The following ZNF234 variants were observed in gnomAD, a reference collection of about 807,000 sequenced individuals.
The protein encoded by ZNF234 is C2-H2 type zinc finger protein.
ZNF234 carries 4 observed loss-of-function variants against 10.3 expected under a neutral mutation model. The ratio of observed to expected loss-of-function variants is 0.39; its 90% confidence interval spans 0.19 to 0.89. The LOEUF (loss-of-function observed/expected upper bound fraction) is 0.89. Among genes scored for constraint, ZNF234 ranks in the 40% least tolerant of loss-of-function variants. ZNF234 has a pLI of 0.38. For missense variants in ZNF234, 711 were observed against 836.1 expected (o/e 0.85, Z 1.85); for synonymous variants, 258 against 280.1 (o/e 0.92, Z 0.79).
In ZNF234 at chr19:44,143,616, G is replaced by GAA. The variant is rs61062157; in HGVS notation, c.-76-926_-76-925dup. On this transcript the variant is annotated intron_variant, in intron 2 of 5. Coordinates refer to ENST00000426739, the MANE Select transcript of ZNF234 (RefSeq NM_006630.3). Reference sequence around the variant, plus strand: ...AGCGCAAGACTCTGTCTCAGAAAAAGAAAAAAAAAAAAAAAAGAAAACCCG... The same window carrying GAA: ...AGCGCAAGACTCTGTCTCAGAAAAAGAAAAAAAAAAAAAAAAAAGAAAACCCG... Among the ~76,000 whole-genome samples, 810 of 111,902 alleles carry GAA rather than the reference G, an allele frequency of 7.2e-3. 5 individuals are homozygous for GAA. Among genetic ancestry groups the GAA allele is most frequent in the Middle Eastern group, 0.019 (4 of 206 alleles). 73.4% of individuals were successfully genotyped at this position (111,902 alleles called of 152,430 possible). A position where few individuals can be genotyped will look rare whatever the true frequency, so the allele number is the denominator to read the frequency against.
intron 4 of ZNF234, 59 bp from the exon 5 acceptor site, chr19:44,150,354 G>GT: frequency 7.2e-7 from 1 of 1,384,830 alleles, no homozygotes. Context: ...CAAATTGCCA[G>GT]TAAGTTCAGT....
At chr19:44,148,969 C>G in intron 4 of ZNF234, 72 bp downstream of exon 4, 1 of 1,514,808 alleles carries the variant, frequency 6.6e-7, no homozygotes, top group Non-Finnish European at 8.9e-7. Flanking sequence ...GGGTTCAACA[C>G]TTTGGAGGTC....
At chr19:44,154,310 C>CTT (rs58652062) in intron 5 of ZNF234, among the ~76,000 whole-genome samples, 2 of 148,802 alleles carry the variant, frequency 1.3e-5, no homozygotes, top group Admixed American at 6.7e-5. Context: ...TTCTTTTTCA[C>CTT]TTTTTTTTTT....
rs73564059 is a variant in ZNF234, at chr19:44,158,290, G to A, written c.*171G>A. On this transcript the variant is annotated 3_prime_UTR_variant, in exon 6 of 6. Transcript: ENST00000426739. The stretch of plus-strand genomic sequence containing the variant: ...ATTTTTTGTTTTGAAACAGAATCTC[G>A]CTCTGTTGCCCATGCTGGATGCAGT... 0.058 allele frequency: 43,584 copies of A among 746,334 alleles called. 6,350 individuals are homozygous for A. The highest frequency in any genetic ancestry group is 0.41 in the African/African-American group (23,359 of 57,122). The allele number at this position is 746,334 out of a possible 1,614,324, so 46.2% of individuals were successfully genotyped here. A position where few individuals can be genotyped will look rare whatever the true frequency, so the allele number is the denominator to read the frequency against.
chr19:44,156,898 T>C lies in ZNF234; in HGVS notation c.882T>C (p.Gly294=). ...AACCATTCAAATGTGATACATGTGG[T>C]AAGAACTTCCGTCGTAGATCAGCAC... The part of the protein sequence containing the change: ...GEKPFKCDTC[G]KNFRRRSALN... Residue 294 remains glycine, a synonymous_variant, in exon 6 of 6, where the codon GGT becomes GGC. Transcript: ENST00000426739. 6.2e-7 allele frequency: 1 copy of C among 1,613,804 alleles called. No individual in the cohort carries two copies.
chr19:44,156,740 A>C lies in ZNF234; in HGVS notation c.724A>C (p.Ser242Arg). ...ATGTGTGGAATGTGGGAAAGGCTTC[A>C]GTCGTAGATCAACACTTACTGTACA... ...FKCVECGKGF[S>R]RRSTLTVHCK... The change falls in exon 6 of 6, where the codon AGT becomes CGT. Residue 242 changes from serine to arginine, a missense_variant. Coordinates refer to ENST00000426739, the MANE Select transcript of ZNF234 (RefSeq NM_006630.3). 6.2e-7 allele frequency: 1 copy of C among 1,614,082 alleles called. No individual in the cohort carries two copies. The highest frequency in any genetic ancestry group is 8.5e-7 in the Non-Finnish European group (1 of 1,179,978).
intron 5 of ZNF234, among the ~76,000 whole-genome samples, chr19:44,151,933 C>T (rs1968753757): frequency 6.6e-6 from 1 of 152,116 alleles, no homozygotes; most frequent in African/African-American, 2.4e-5. Context: ...TTTGTCATAA[C>T]CTGACATATT....
At chr19:44,154,806 AAAAGTTTTTTT>A (rs1445561749) in intron 5 of ZNF234, among the ~76,000 whole-genome samples, 4 of 151,810 alleles carry the variant, frequency 2.6e-5, no homozygotes, top group African/African-American at 9.7e-5. Flanking sequence ...CAATTTTTTT[AAAAGTTTTTTT>A]GTAGGGCCAG....
At chr19:44,146,494 A>G (rs550142304) in intron 3 of ZNF234, among the ~76,000 whole-genome samples, 1 of 152,252 alleles carries the variant, frequency 6.6e-6, no homozygotes, top group African/African-American at 2.4e-5. Context: ...TCATTACAAC[A>G]CAAGAACATC....
chr19:44,157,110 T>C lies in ZNF234; in HGVS notation c.1094T>C (p.Ile365Thr), dbSNP rs764844698. Residue 365 changes from isoleucine to threonine, a missense_variant, in exon 6 of 6, where the codon ATC (isoleucine) becomes ACC (threonine). Ile to Thr is a moderately conservative substitution (Grantham distance 89). Transcript: ENST00000426739. ...TCACAATTTCAGGCCCATCGGAGAATCCACACTGGAGAGAAACCATACGTA... is the reference window on the plus strand; with the variant it reads ...TCACAATTTCAGGCCCATCGGAGAACCCACACTGGAGAGAAACCATACGTA... ...QPSQFQAHRR[I>T]HTGEKPYVCK... 210 of 1,614,060 alleles carry C rather than the reference T, an allele frequency of 1.3e-4. 2 individuals carry two copies. In the Middle Eastern group the frequency reaches 1.3e-3, roughly 10 times the overall value.
At position 44,157,192 on chromosome 19, in the gene ZNF234, A is replaced by G; in HGVS notation, c.1176A>G (p.Gly392=). ...GTTCAAGTTTTCAGGCCCATCAGGG[A>G]GTCCACACTGGAGAGAAGCCATACA... ...IYSSSFQAHQ[G]VHTGEKPYKC... Residue 392 remains glycine (G), a synonymous_variant, in exon 6 of 6, where the codon GGA becomes GGG. Transcript: ENST00000426739. The G allele has an allele frequency of 6.2e-7, 1 of 1,614,224 alleles. No homozygotes were observed. The highest frequency in any genetic ancestry group is 1.7e-5 in the Admixed American group (1 of 60,012).
intron 5 of ZNF234, among the ~76,000 whole-genome samples, chr19:44,152,010 G>T (rs1463354748): frequency 6.6e-6 from 1 of 152,120 alleles, no homozygotes; most frequent in Admixed American, 6.5e-5. Flanking sequence ...AGATACTTCT[G>T]CCTCAAAGCC....
At position 44,144,580 on chromosome 19, in the gene ZNF234, C is replaced by G; in HGVS notation, c.-53C>G. 6.8e-7 allele frequency: 1 copy of G among 1,476,956 alleles called. No individual in the cohort carries two copies. Among genetic ancestry groups the G allele is most frequent in the Non-Finnish European group, 9.0e-7 (1 of 1,105,694 alleles). The allele number at this position is 1,476,956 out of a possible 1,614,324, so 91.5% of individuals were successfully genotyped here. On this transcript the variant is annotated 5_prime_UTR_variant, in exon 3 of 6. Transcript: ENST00000426739. ...AGTGTTCCAGGCACGATTCTGCCTT[C>G]TCTCAAATGGCATAACTCAGGACTC...
Position 44,158,022 on chromosome 19 carries a change from G to A in ZNF234, c.2006G>A (p.Ser669Asn). Residue 669 changes from serine to asparagine, a missense_variant, in exon 6 of 6, where the codon AGT becomes AAT. Transcript: ENST00000426739. ...TTCAGCTGGCGATCAAATCTTGTAA[G>A]TCATCACAAAATTCATGCTGCTGGT... ...KRFSWRSNLV[S>N]HHKIHAAGTF... 5 of 1,613,666 alleles carry A rather than the reference G, an allele frequency of 3.1e-6. No homozygotes were observed. The highest frequency in any genetic ancestry group is 4.2e-6 in the Non-Finnish European group (5 of 1,179,842).
In ZNF234 at chr19:44,142,366, A is replaced by C. The variant is rs1209491064; in HGVS notation, c.-78A>C. On this transcript the variant is annotated splice_region_variant and 5_prime_UTR_variant, in exon 2 of 6. Coordinates refer to ENST00000426739, the MANE Select transcript of ZNF234 (RefSeq NM_006630.3). Reference sequence around the variant, plus strand: ...TCTTGGCTACTGAAAGCAAAGCTCCACGTGAGTGTGACTTGTCATTTTTCT... The same window carrying C: ...TCTTGGCTACTGAAAGCAAAGCTCCCCGTGAGTGTGACTTGTCATTTTTCT... 3 of 152,582 alleles carry C rather than the reference A, an allele frequency of 2.0e-5. No homozygotes were observed. Among genetic ancestry groups the C allele is most frequent in the Admixed American group, 6.5e-5 (1 of 15,304 alleles). The allele number at this position is 152,582 out of a possible 1,614,324, so 9.5% of individuals were successfully genotyped here.
chr19:44,153,873 G>A (rs1568552366), intron 5 of ZNF234, among the ~76,000 whole-genome samples: 1 of 152,222 alleles, frequency 6.6e-6, no homozygotes, highest in Non-Finnish European at 1.5e-5. Flanking sequence ...AGCATTCACT[G>A]TGACAGGCAC....
At chr19:44,147,323 A>T (rs545835876) in intron 3 of ZNF234, among the ~76,000 whole-genome samples, 1 of 151,280 alleles carries the variant, frequency 6.6e-6, no homozygotes, top group South Asian at 2.1e-4. Flanking sequence ...CACAACCTTG[A>T]TTACCTGGGC....
At chr19:44,144,282 C>T (rs1319429244) in intron 2 of ZNF234, among the ~76,000 whole-genome samples, 2 of 152,190 alleles carry the variant, frequency 1.3e-5, no homozygotes, top group Admixed American at 6.5e-5. Context: ...GTGTGCCTGG[C>T]TTCTTTCACT....
Position 44,156,437 on chromosome 19 carries a change from A to G in ZNF234, c.421A>G (p.Thr141Ala), listed in dbSNP as rs2122150386. ...SCQVRAGLYT[T>A]HTGQKFYQCD... ...CCAGGTTAGGGCAGGACTATATACA[A>G]CTCACACAGGACAGAAATTTTACCA... is the stretch of plus-strand genomic sequence containing the variant. Residue 141 changes from threonine (T) to alanine (A), a missense_variant, in exon 6 of 6, where the codon ACT becomes GCT. Physicochemically the swap from Thr to Ala is moderately conservative, Grantham distance 58. Transcript: ENST00000426739. 4 of 1,613,688 alleles carry G rather than the reference A, an allele frequency of 2.5e-6. No homozygotes were observed. The highest frequency in any genetic ancestry group is 3.4e-6 in the Non-Finnish European group (4 of 1,179,770).
Sources: allele counts gnomAD v4.1 joint callset (sites outside exome capture counted in the v4.1 genomes callset), GRCh38; gene constraint gnomAD v4.1.1; transcripts MANE v1.5; gene names NCBI Gene and HGNC (gene_info 2026-07-23, HGNC 2026-07-21).